ZDHHC11B: variants seen among roughly 807,000 people sequenced by gnomAD.
ZDHHC11B encodes the protein probable palmitoyltransferase ZDHHC11B.
In ZDHHC11B, 17 loss-of-function variants were observed where a neutral mutation model predicts 42.3. That is an observed-to-expected ratio of 0.40 (90% CI 0.27 to 0.60). The LOEUF (loss-of-function observed/expected upper bound fraction) is 0.60. Ranked by LOEUF, ZDHHC11B falls within the 20% of genes least tolerant of loss-of-function variation. The probability of loss-of-function intolerance (pLI) is 0.41; values close to 1 mark genes in which losing one functional copy is unlikely to be tolerated. For missense variants in ZDHHC11B, 262 were observed against 463.2 expected (o/e 0.57, Z 3.99); for synonymous variants, 123 against 193.5 (o/e 0.64, Z 3.02).
intron 12 of ZDHHC11B, among the ~76,000 whole-genome samples, chr5:722,945 G>A (rs1351073433): frequency 1.3e-5 from 2 of 151,492 alleles, no homozygotes; most frequent in Non-Finnish European, 2.9e-5. Flanking sequence ...AAATGAAAAA[G>A]TATTCAATGT....
chr5:745,695 T>G (rs1248307114), intron 8 of ZDHHC11B, among the ~76,000 whole-genome samples: 1 of 149,944 alleles, frequency 6.7e-6, no homozygotes, highest in East Asian at 2.0e-4. Context: ...AGAGGCCAGC[T>G]CAGGAGGGGC....
At chr5:767,011 T>G in intron 3 of ZDHHC11B, 92 bp from the exon 4 acceptor site, 1 of 1,437,358 alleles carries the variant, frequency 7.0e-7, no homozygotes, top group African/African-American at 1.4e-5. Context: ...ACTGGGAACA[T>G]GGCCCCCAGG....
rs1432019850 is a variant in ZDHHC11B at position 749,331 on chromosome 5, C to T, written c.629-772G>A. Among the ~76,000 whole-genome samples the T allele has an allele frequency of 2.6e-4, 34 of 130,578 alleles. 4 individuals carry two copies. The highest frequency in any genetic ancestry group is 1.8e-3 in the Admixed American group (20 of 11,380). The allele number at this position is 130,578 out of a possible 152,430, so 85.7% of individuals were successfully genotyped here. A position where few individuals can be genotyped will look rare whatever the true frequency, so the allele number is the denominator to read the frequency against. ...AACCACAACACTTCCAAAAATCAGG[C>T]GTAATGCAGAATGGCAGAGGGCCAG... On this transcript the variant is annotated intron_variant, in intron 7 of 13. Transcript: ENST00000508859.
chr5:715,441 C>T (rs445395), intron 13 of ZDHHC11B, among the ~76,000 whole-genome samples: 70,635 of 143,580 alleles, frequency 0.49, 14,116 homozygotes, highest in African/African-American at 0.55. Context: ...AAGTTGTAGC[C>T]TCTTAAGTTT....
intron 7 of ZDHHC11B, among the ~76,000 whole-genome samples, chr5:749,390 G>C (rs1467662793): frequency 7.7e-6 from 1 of 130,516 alleles, no homozygotes; most frequent in Non-Finnish European, 1.7e-5. Context: ...GGGCAAGGCA[G>C]AATGGCAGAG....
At chr5:731,700 A>G (rs1489345928) in intron 11 of ZDHHC11B, among the ~76,000 whole-genome samples, 1 of 151,942 alleles carries the variant, frequency 6.6e-6, no homozygotes, top group Non-Finnish European at 1.5e-5. Flanking sequence ...ACAATTTTAA[A>G]TGCTTAAAGT....
At chr5:774,864 G>C (rs970819359) in intron 1 of ZDHHC11B, among the ~76,000 whole-genome samples, 8 of 151,974 alleles carry the variant, frequency 5.3e-5, no homozygotes, top group Non-Finnish European at 7.4e-5. Context: ...CAGCAGCCTC[G>C]GTGCTCCCTT....
intron 4 of ZDHHC11B, among the ~76,000 whole-genome samples, chr5:758,186 G>A (rs1279909593): frequency 6.6e-6 from 1 of 151,914 alleles, no homozygotes; most frequent in Non-Finnish European, 1.5e-5. Flanking sequence ...GGACGCTATC[G>A]GTGGCAGCTG....
intron 8 of ZDHHC11B, among the ~76,000 whole-genome samples, chr5:745,527 G>C (rs1215320153): frequency 6.7e-6 from 1 of 149,922 alleles, no homozygotes; most frequent in Non-Finnish European, 1.5e-5. Context: ...GCTGCGACCT[G>C]GGGAACGGTG....
At position 711,975 on chromosome 5, in the gene ZDHHC11B, GCA is replaced by G. The variant is rs1273442606; in HGVS notation, c.*313_*314del. ...CTGCAGCTGGCTGGCTGGCTGGACAGCACAGTTAAGCAGGTGGCTGCATCCTC... is the reference window on the plus strand; with the variant it reads ...CTGCAGCTGGCTGGCTGGCTGGACAGCAGTTAAGCAGGTGGCTGCATCCTC... On this transcript the variant is annotated 3_prime_UTR_variant, in exon 14 of 14. Coordinates refer to ENST00000508859, the MANE Select transcript of ZDHHC11B (RefSeq NM_001351303.2). 1 of 137,068 alleles carries G rather than the reference GCA, an allele frequency of 7.3e-6. No homozygotes were observed. Among genetic ancestry groups the G allele is most frequent in the African/African-American group, 2.8e-5 (1 of 35,686 alleles). 8.5% of individuals were successfully genotyped at this position (137,068 alleles called of 1,614,324 possible).
intron 12 of ZDHHC11B, among the ~76,000 whole-genome samples, chr5:728,682 T>A (rs948539647): frequency 7.2e-5 from 11 of 151,994 alleles, no homozygotes; most frequent in Non-Finnish European, 7.4e-5. Context: ...GTAATAAGGT[T>A]ATAAGTTCTG....
intron 12 of ZDHHC11B, among the ~76,000 whole-genome samples, chr5:727,478 T>C (rs1240597127): frequency 6.9e-6 from 1 of 145,792 alleles, no homozygotes; most frequent in African/African-American, 2.5e-5. Context: ...CAAACTTATA[T>C]GAAAAAATTA....
intron 1 of ZDHHC11B, among the ~76,000 whole-genome samples, chr5:772,664 A>C (rs1355120236): frequency 6.6e-6 from 1 of 151,804 alleles, no homozygotes; most frequent in African/African-American, 2.4e-5. Context: ...GGCGCTTGGG[A>C]GGGCTGAGAA....
intron 1 of ZDHHC11B, among the ~76,000 whole-genome samples, chr5:784,034 G>C (rs1490374312): frequency 6.6e-5 from 10 of 151,470 alleles, no homozygotes; most frequent in African/African-American, 2.4e-4. Context: ...AAGGTGTCCC[G>C]GCAGCGCCTC....
At chr5:773,955 G>A (rs1453694313) in intron 1 of ZDHHC11B, among the ~76,000 whole-genome samples, 2 of 151,924 alleles carry the variant, frequency 1.3e-5, no homozygotes, top group African/African-American at 2.4e-5. Context: ...GAAGATGAGG[G>A]CAGAGGTGGC....
chr5:717,779 A>AC (rs1283608520), intron 12 of ZDHHC11B, among the ~76,000 whole-genome samples: 1 of 151,696 alleles, frequency 6.6e-6, no homozygotes, highest in East Asian at 1.9e-4. Flanking sequence ...CCTGGAAGAG[A>AC]CCCCCAGGAA....
chr5:724,163 C>T (rs1484178448), intron 12 of ZDHHC11B, among the ~76,000 whole-genome samples: 7 of 151,518 alleles, frequency 4.6e-5, no homozygotes, highest in Non-Finnish European at 8.8e-5. Flanking sequence ...TCCCCTTGGA[C>T]GTCTGCATGT....
chr5:761,592 A>G (rs1445868470), intron 4 of ZDHHC11B, among the ~76,000 whole-genome samples: 1 of 151,870 alleles, frequency 6.6e-6, no homozygotes, highest in Admixed American at 6.6e-5. Flanking sequence ...GGAGGGGCGC[A>G]AGGCTGGCAG....
intron 4 of ZDHHC11B, among the ~76,000 whole-genome samples, chr5:756,722 AG>A (rs1270322137): frequency 6.6e-6 from 1 of 151,636 alleles, no homozygotes; most frequent in African/African-American, 2.4e-5. Context: ...GAGACCCCTG[AG>A]CACTGGGAGA....
Sources: gnomAD v4.1 joint callset for allele counts (sites outside exome capture counted in the v4.1 genomes callset) on GRCh38, gnomAD v4.1.1 for gene constraint, MANE v1.5 for transcripts, NCBI Gene and HGNC (gene_info 2026-07-23, HGNC 2026-07-21) for gene names.